The following CADM2 variants were observed in gnomAD, a reference collection of about 807,000 sequenced individuals.
CADM2 encodes the protein cell adhesion molecule 2.
Under a neutral mutation model 49.8 loss-of-function variants are expected in CADM2, and 12 were observed. The ratio of observed to expected loss-of-function variants is 0.24; its 90% confidence interval spans 0.15 to 0.39. CADM2 has a LOEUF of 0.39. CADM2 is among the 10% of genes least tolerant of loss of function. The pLI is 1.00. For synonymous variants in CADM2, 214 were observed against 175.4 expected, an observed-to-expected ratio of 1.22 and a Z score of -1.74; for missense variants, 378 against 492.3, an observed-to-expected ratio of 0.77 and a Z score of 2.20.
At chr3:85,983,795 C>A (rs1414451130) in intron 8 of CADM2, among the ~76,000 whole-genome samples, 2 of 52,528 alleles carry the variant, frequency 3.8e-5, no homozygotes. Context: ...GTCTATCTAC[C>A]TATCTATCTA....
chr3:85,572,049 C>A lies in CADM2; in HGVS notation c.62-154473C>A, dbSNP rs1013634167. 2.0e-5 allele frequency among the ~76,000 whole-genome samples: 3 copies of A among 152,282 alleles called. No individual in the cohort carries two copies. In the East Asian group the frequency reaches 5.8e-4, roughly 30 times the overall value. ...TGGTGACTCATGCCTGTAATCCTAGCAGTTTAGGAGGCCGAGGCCGGTGGA... is the reference window on the plus strand; with the variant it reads ...TGGTGACTCATGCCTGTAATCCTAGAAGTTTAGGAGGCCGAGGCCGGTGGA... On this transcript the variant is annotated intron_variant, in intron 1 of 9. Transcript: ENST00000383699.
intron 1 of CADM2, among the ~76,000 whole-genome samples, chr3:84,962,586 G>A (rs546344621): frequency 2.6e-5 from 4 of 152,266 alleles, no homozygotes; most frequent in South Asian, 2.1e-4. Context: ...TCTATGTGCG[G>A]GGAGAAAAGG....
At chr3:85,960,968 T>G (rs1169185110) in intron 7 of CADM2, among the ~76,000 whole-genome samples, 1 of 147,596 alleles carries the variant, frequency 6.8e-6, no homozygotes, top group Non-Finnish European at 1.5e-5. Context: ...ACTTATATAT[T>G]TAATATTATT....
chr3:85,673,562 A>T (rs2065808589), intron 1 of CADM2, among the ~76,000 whole-genome samples: 1 of 151,822 alleles, frequency 6.6e-6, no homozygotes, highest in Admixed American at 6.6e-5. Context: ...CTAAAAAAAC[A>T]CCAATTCTGA....
At chr3:84,985,226 C>T (rs144307462) in intron 1 of CADM2, among the ~76,000 whole-genome samples, 1 of 151,800 alleles carries the variant, frequency 6.6e-6, no homozygotes, top group African/African-American at 2.4e-5. Context: ...AATAATATTC[C>T]TTTGTAACCT....
chr3:85,898,955 A>ATTTTTTTTTTT (rs35857247), intron 5 of CADM2, among the ~76,000 whole-genome samples: 2 of 33,908 alleles, frequency 5.9e-5, no homozygotes, highest in African/African-American at 1.5e-4. Context: ...ATATATATAT[A>ATTTTTTTTTTT]TTTTTTTTTT....
At chr3:85,415,482 G>C (rs1194168773) in intron 1 of CADM2, among the ~76,000 whole-genome samples, 4 of 150,274 alleles carry the variant, frequency 2.7e-5, no homozygotes, top group African/African-American at 7.3e-5. Context: ...GTAAACCGTT[G>C]CCCTAATGTT....
At chr3:85,533,608 A>G (rs1448223928) in intron 1 of CADM2, among the ~76,000 whole-genome samples, 1 of 152,232 alleles carries the variant, frequency 6.6e-6, no homozygotes, top group Non-Finnish European at 1.5e-5. Context: ...ATTTTCAAAT[A>G]GAATCATGGT....
At position 85,080,942 on chromosome 3, in the gene CADM2, G is replaced by T. The variant is rs949951560; in HGVS notation, c.61+121274G>T. Among the ~76,000 whole-genome samples the T allele has an allele frequency of 3.9e-5, 6 of 151,910 alleles. 1 individual carries two copies. In the South Asian group the frequency reaches 1.2e-3, roughly 32 times the overall value. ...CCAGGACTGTACATTACATATATAG[G>T]TCAGGGAAATTAGAAATATTTCCAA... is the stretch of plus-strand genomic sequence containing the variant. On this transcript the variant is annotated intron_variant, in intron 1 of 9. Coordinates refer to ENST00000383699, the MANE Select transcript of CADM2 (RefSeq NM_001167675.2).
At chr3:85,436,730 A>T (rs2036949245) in intron 1 of CADM2, among the ~76,000 whole-genome samples, 1 of 152,130 alleles carries the variant, frequency 6.6e-6, no homozygotes, top group African/African-American at 2.4e-5. Context: ...TAGCAAAAAT[A>T]AGCAGAAAGT....
chr3:85,448,297 C>A (rs1400784761), intron 1 of CADM2, among the ~76,000 whole-genome samples: 8 of 146,874 alleles, frequency 5.4e-5, no homozygotes, highest in South Asian at 4.3e-4. Flanking sequence ...CGCGCCACTG[C>A]ACTCCAGCCT....
At chr3:85,866,388 T>C (rs1006850461) in intron 3 of CADM2, among the ~76,000 whole-genome samples, 1 of 152,168 alleles carries the variant, frequency 6.6e-6, no homozygotes, top group Non-Finnish European at 1.5e-5. Flanking sequence ...AGTCACTCAC[T>C]GGCCTAACTC....
At chr3:85,709,809 C>T (rs1176412605) in intron 1 of CADM2, among the ~76,000 whole-genome samples, 1 of 151,978 alleles carries the variant, frequency 6.6e-6, no homozygotes, top group Non-Finnish European at 1.5e-5. Flanking sequence ...ATCTGCAGTC[C>T]CATGAATTAT....
intron 7 of CADM2, among the ~76,000 whole-genome samples, chr3:85,955,676 T>G (rs1338921071): frequency 6.6e-6 from 1 of 151,466 alleles, no homozygotes; most frequent in Non-Finnish European, 1.5e-5. Flanking sequence ...TTGTATCTGG[T>G]TCAAAATATT....
intron 1 of CADM2, among the ~76,000 whole-genome samples, chr3:85,723,076 C>A (rs533965020): frequency 3.3e-5 from 5 of 152,134 alleles, no homozygotes; most frequent in African/African-American, 1.2e-4. Context: ...ATTATTTTAT[C>A]ATTCACATGA....
chr3:85,853,231 A>G (rs1434588830), intron 3 of CADM2, among the ~76,000 whole-genome samples: 1 of 151,978 alleles, frequency 6.6e-6, no homozygotes, highest in African/African-American at 2.4e-5. Flanking sequence ...AGAAATTTAC[A>G]TTTTCTACAT....
chr3:85,771,745 C>T (rs1375409120), intron 2 of CADM2, among the ~76,000 whole-genome samples: 1 of 152,018 alleles, frequency 6.6e-6, no homozygotes, highest in African/African-American at 2.4e-5. Flanking sequence ...AGAATTATTT[C>T]TGAAAAGGAT....
chr3:85,640,600 C>T (rs1354061189), intron 1 of CADM2, among the ~76,000 whole-genome samples: 4 of 152,010 alleles, frequency 2.6e-5, no homozygotes, highest in Non-Finnish European at 5.9e-5. Context: ...TGTCAGGAGC[C>T]AAGACCTGGT....
At position 85,216,327 on chromosome 3, in the gene CADM2, A is replaced by G. The variant is rs1463040550; in HGVS notation, c.61+256659A>G. 2.0e-5 allele frequency among the ~76,000 whole-genome samples: 3 copies of G among 147,526 alleles called. No individual in the cohort carries two copies. The Admixed American group carries it at 2.0e-4, about 10-fold the overall frequency. ...ATATATATTTAACATATTAATATAT[A>G]TTTAATGTATAAATATATTATTATA... On this transcript the variant is annotated intron_variant, in intron 1 of 9. Transcript: ENST00000383699.
Sources: allele counts gnomAD v4.1 joint callset (sites outside exome capture counted in the v4.1 genomes callset), GRCh38; gene constraint gnomAD v4.1.1; transcripts MANE v1.5; gene names NCBI Gene and HGNC (gene_info 2026-07-23, HGNC 2026-07-21).